Variants in TMEM131 observed in about 807,000 individuals in gnomAD.
TMEM131 encodes the protein 2610524E03Rik.
Under a neutral mutation model 211.6 loss-of-function variants are expected in TMEM131, and 66 were observed. That is an observed-to-expected ratio of 0.31 (90% CI 0.26 to 0.38). The LOEUF (loss-of-function observed/expected upper bound fraction) is 0.38. Among genes scored for constraint, TMEM131 ranks in the 10% least tolerant of loss-of-function variants. The pLI is 1.00. For missense variants in TMEM131, 2,036 were observed against 2,299.3 expected (o/e 0.89, Z 2.34); for synonymous variants, 844 against 841.3 (o/e 1.00, Z -0.06).
rs1226357545 is a variant in TMEM131, at chr2:97,759,669, G to T, written c.5189C>A (p.Ser1730Tyr). 1.2e-6 allele frequency: 2 copies of T among 1,613,360 alleles called. No homozygotes were observed. The highest frequency in any genetic ancestry group is 3.3e-5 in the Admixed American group (2 of 59,956). Reference protein sequence around the residue: ...PLNSFSAFGNSFNLTGEVFSK... With the variant: ...PLNSFSAFGNYFNLTGEVFSK... ...ACACTCACCACCAGTTAGATTAAAA[G>T]AGTTTCCAAAGGCGGAGAACGAATT... The change falls in exon 39 of 41, where the codon TCT becomes TAT. Residue 1730 changes from serine to tyrosine, a missense_variant. By Grantham distance (144) the Ser-to-Tyr change is moderately radical (BLOSUM62 -2). This residue lies in a region of TMEM131 where 1,623 missense variants were observed against 1,805.9 expected (regional missense o/e 0.90). Transcript: ENST00000186436.
At chr2:97,813,640 A>G (rs1681670967) in intron 15 of TMEM131, among the ~76,000 whole-genome samples, 1 of 152,006 alleles carries the variant, frequency 6.6e-6, no homozygotes, top group Non-Finnish European at 1.5e-5. Context: ...CCTTCCTTGT[A>G]TTATTCTTTT....
intron 1 of TMEM131, among the ~76,000 whole-genome samples, chr2:97,983,856 T>C (rs368318102): frequency 2.0e-4 from 31 of 152,238 alleles, no homozygotes; most frequent in African/African-American, 6.5e-4. Context: ...AGTTAACTGC[T>C]GTAATGATTG....
chr2:97,955,495 T>G (rs923937171), intron 1 of TMEM131, among the ~76,000 whole-genome samples: 1 of 152,114 alleles, frequency 6.6e-6, no homozygotes, highest in South Asian at 2.1e-4. Flanking sequence ...GAAGGAAGAA[T>G]AAAATTGTCC....
chr2:97,808,730 G>A (rs1402081376), intron 19 of TMEM131, among the ~76,000 whole-genome samples: 1 of 152,122 alleles, frequency 6.6e-6, no homozygotes, highest in African/African-American at 2.4e-5. Flanking sequence ...CAACTTATAA[G>A]GAAATATTTA....
chr2:97,884,570 T>C (rs1675065174), intron 4 of TMEM131, among the ~76,000 whole-genome samples: 1 of 152,236 alleles, frequency 6.6e-6, no homozygotes. Flanking sequence ...TCCCTTTAGA[T>C]CTAATAGTTG....
At chr2:97,875,450 T>C (rs559110720) in intron 4 of TMEM131, among the ~76,000 whole-genome samples, 51 of 152,272 alleles carry the variant, frequency 3.3e-4, no homozygotes, top group Middle Eastern at 3.4e-3. Context: ...TATTCTAAAA[T>C]TGACCACATA....
chr2:97,762,856 A>G (rs549071354), intron 35 of TMEM131: 1 of 152,284 alleles, frequency 6.6e-6, no homozygotes, highest in East Asian at 1.9e-4. Flanking sequence ...CCATCTCTGA[A>G]ATTAAAACAA....
chr2:97,894,589 G>A (rs987012651), intron 3 of TMEM131, among the ~76,000 whole-genome samples: 2 of 152,088 alleles, frequency 1.3e-5, no homozygotes, highest in Non-Finnish European at 2.9e-5. Context: ...TCTTGAAGAC[G>A]TCCTTCATAT....
At chr2:97,826,618 GA>G (rs35808422) in intron 11 of TMEM131, among the ~76,000 whole-genome samples, 46,632 of 151,446 alleles carry the variant, frequency 0.31, 8,484 homozygotes, top group Non-Finnish European at 0.39. Flanking sequence ...AAGTCAGAGA[GA>G]AAGAGAAACA....
chr2:97,971,784 C>G (rs574624217), intron 1 of TMEM131, among the ~76,000 whole-genome samples: 218 of 152,230 alleles, frequency 1.4e-3, no homozygotes, highest in Non-Finnish European at 2.7e-3. Context: ...ATTGCTTGAG[C>G]CCCAGAGGTC....
intron 1 of TMEM131, among the ~76,000 whole-genome samples, chr2:97,954,798 C>A: frequency 8.7e-6 from 1 of 114,608 alleles, no homozygotes. Context: ...AAGAGTGAAA[C>A]TCCATCTCAA....
At chr2:97,952,991 A>C (rs1678393309) in intron 1 of TMEM131, among the ~76,000 whole-genome samples, 1 of 152,240 alleles carries the variant, frequency 6.6e-6, no homozygotes, top group Non-Finnish European at 1.5e-5. Context: ...GGTATTAGCA[A>C]ATTAAAAATT....
chr2:97,797,081 A>G, intron 26 of TMEM131, 95 bp from the exon 27 acceptor site: 2 of 1,287,262 alleles, frequency 1.6e-6, no homozygotes, highest in Non-Finnish European at 2.1e-6. Context: ...AGCACCACAT[A>G]GAAATTAAAT....
At chr2:97,960,778 A>C (rs1244195752) in intron 1 of TMEM131, among the ~76,000 whole-genome samples, 1 of 152,180 alleles carries the variant, frequency 6.6e-6, no homozygotes, top group Non-Finnish European at 1.5e-5. Context: ...AAAAATGCTT[A>C]AAGGTGTTTT....
chr2:97,864,791 A>G lies in TMEM131; in HGVS notation c.360-5364T>C, dbSNP rs77221524. ...ATGGGCAGCCTGAGCTGACAACGAG[A>G]GGCTAGGCTATGAGAAGGCTTCCGA... On this transcript the variant is annotated intron_variant, in intron 4 of 40. Transcript: ENST00000186436. Among the ~76,000 whole-genome samples, 1,047 of 152,328 alleles carry G rather than the reference A, an allele frequency of 6.9e-3. 20 individuals carry two copies. The highest frequency in any genetic ancestry group is 0.024 in the African/African-American group (1,003 of 41,554).
intron 11 of TMEM131, among the ~76,000 whole-genome samples, chr2:97,819,256 G>A (rs1276623870): frequency 6.6e-6 from 1 of 152,194 alleles, no homozygotes; most frequent in Non-Finnish European, 1.5e-5. Context: ...CCAGAGAGAG[G>A]GCTATACTGC....
intron 1 of TMEM131, among the ~76,000 whole-genome samples, chr2:97,994,701 T>C (rs1311778907): frequency 1.3e-5 from 2 of 152,148 alleles, no homozygotes; most frequent in Non-Finnish European, 2.9e-5. Context: ...GAAATTACAC[T>C]GATTTGGTCT....
intron 1 of TMEM131, among the ~76,000 whole-genome samples, chr2:97,955,363 T>C (rs953172654): frequency 6.6e-6 from 1 of 152,144 alleles, no homozygotes; most frequent in East Asian, 1.9e-4. Flanking sequence ...TATACCTTAA[T>C]GGTGAAAGAA....
intron 1 of TMEM131, among the ~76,000 whole-genome samples, chr2:97,958,357 C>T (rs559554572): frequency 6.6e-6 from 1 of 152,282 alleles, no homozygotes; most frequent in Admixed American, 6.5e-5. Context: ...TGTCTCTCAA[C>T]GACCTTCCAA....
Sources: allele counts gnomAD v4.1 joint callset (sites outside exome capture counted in the v4.1 genomes callset), GRCh38; gene constraint gnomAD v4.1.1; regional missense constraint gnomAD v4.1.1; transcripts MANE v1.5; gene names NCBI Gene and HGNC (gene_info 2026-07-23, HGNC 2026-07-21).